OTUD7B: variants seen among roughly 807,000 people sequenced by gnomAD.
The protein encoded by OTUD7B is OTU domain-containing protein 7B.
Under a neutral mutation model 82.2 loss-of-function variants are expected in OTUD7B, and 34 were observed. That is an observed-to-expected ratio of 0.41 (90% confidence interval 0.31 to 0.55). OTUD7B has a LOEUF of 0.55. Ranked by LOEUF, OTUD7B falls within the 20% of genes least tolerant of loss-of-function variation. OTUD7B has a pLI of 0.20. For synonymous variants in OTUD7B, 398 were observed against 402.7 expected (o/e 0.99, Z 0.14); for missense variants, 944 against 1,062.1 (o/e 0.89, Z 1.55).
chr1:150,049,397 T>C, the OTUD7B span, among the ~76,000 whole-genome samples: 1 of 152,154 alleles, frequency 6.6e-6, no homozygotes, highest in African/African-American at 2.4e-5. Flanking sequence ...AGTCAGGATG[T>C]TGCTATATAC....
the OTUD7B span, among the ~76,000 whole-genome samples, chr1:150,039,175 G>C: frequency 6.6e-6 from 1 of 151,860 alleles, no homozygotes; most frequent in South Asian, 2.1e-4. Flanking sequence ...TTTAAAAACA[G>C]AAAAGAAAAA....
At chr1:149,991,266 T>C (rs2101900049) in intron 1 of OTUD7B, among the ~76,000 whole-genome samples, 1 of 152,250 alleles carries the variant, frequency 6.6e-6, no homozygotes, top group East Asian at 1.9e-4. Flanking sequence ...CAGGTTGGTG[T>C]TAAAAAGCAG....
chr1:150,051,870 A>C, the OTUD7B span, among the ~76,000 whole-genome samples: 1 of 152,232 alleles, frequency 6.6e-6, no homozygotes, highest in African/African-American at 2.4e-5. Context: ...TACAATATTA[A>C]ACAGTCTTTC....
chr1:149,972,841 T>C (rs1426613303), intron 2 of OTUD7B, among the ~76,000 whole-genome samples: 2 of 152,206 alleles, frequency 1.3e-5, no homozygotes, highest in Non-Finnish European at 2.9e-5. Flanking sequence ...CAAATCTCCT[T>C]AAAATCAGGT....
In OTUD7B at chr1:149,941,625, T is replaced by C. The variant is rs1016475120; in HGVS notation, c.*2232A>G. The C allele has an allele frequency of 6.6e-6, 1 of 152,222 alleles. No individual in the cohort carries two copies. The allele number at this position is 152,222 out of a possible 1,614,324, so 9.4% of individuals were successfully genotyped here. On this transcript the variant is annotated 3_prime_UTR_variant, in exon 12 of 12. Coordinates refer to ENST00000581312, the MANE Select transcript of OTUD7B (RefSeq NM_020205.4). Reference sequence around the variant, plus strand: ...AATCACAATTAATGTAAAAAGTCTATGATGGACAATGTATCAAAAATTTAA... The same window carrying C: ...AATCACAATTAATGTAAAAAGTCTACGATGGACAATGTATCAAAAATTTAA...
At chr1:150,037,249 C>CTTTTTTT in the OTUD7B span, among the ~76,000 whole-genome samples, 3 of 146,992 alleles carry the variant, frequency 2.0e-5, no homozygotes, top group African/African-American at 7.5e-5. Flanking sequence ...AAAATACCCT[C>CTTTTTTT]TTTTTTTTTT....
intron 7 of OTUD7B, among the ~76,000 whole-genome samples, chr1:149,952,425 A>C (rs192411343): frequency 1.3e-5 from 2 of 152,270 alleles, no homozygotes; most frequent in Admixed American, 6.5e-5. Context: ...TATATGTGCC[A>C]CATTTTCTTA....
chr1:150,054,998 C>T, the OTUD7B span: 3 of 283,136 alleles, frequency 1.1e-5, no homozygotes, highest in South Asian at 3.7e-5. Context: ...GTGTTTGCCC[C>T]GACAAATGGA....
chr1:150,019,299 C>T, the OTUD7B span, among the ~76,000 whole-genome samples: 2 of 152,174 alleles, frequency 1.3e-5, no homozygotes, highest in African/African-American at 4.8e-5. Context: ...TCACACCCTG[C>T]CTGAAACTAA....
the OTUD7B span, among the ~76,000 whole-genome samples, chr1:150,040,647 G>T: frequency 7.9e-5 from 12 of 151,356 alleles, no homozygotes; most frequent in African/African-American, 2.7e-4. Context: ...AAATGAATTT[G>T]TCTCTTCTTT....
At position 149,942,721 on chromosome 1, in the gene OTUD7B, C is replaced by T. The variant is rs1342669883; in HGVS notation, c.*1136G>A. ...TCAGCTATGGCTTAACAAAAGAAGC[C>T]GGGATGTTAAGTTCATTCTCCAAAA... On this transcript the variant is annotated 3_prime_UTR_variant, in exon 12 of 12. Coordinates refer to ENST00000581312, the MANE Select transcript of OTUD7B (RefSeq NM_020205.4). 2 of 152,188 alleles carry T rather than the reference C, an allele frequency of 1.3e-5. No individual in the cohort carries two copies. The highest frequency in any genetic ancestry group is 2.9e-5 in the Non-Finnish European group (2 of 67,996). The allele number at this position is 152,188 out of a possible 1,614,324, so 9.4% of individuals were successfully genotyped here. A position where few individuals can be genotyped will look rare whatever the true frequency, so the allele number is the denominator to read the frequency against.
chr1:150,011,391 T>C (rs1653053650), upstream of OTUD7B, among the ~76,000 whole-genome samples: 1 of 152,234 alleles, frequency 6.6e-6, no homozygotes, highest in Non-Finnish European at 1.5e-5. Context: ...CCCTGTGATG[T>C]GTATCACTGC....
At chr1:149,994,358 G>A (rs587647659) in intron 1 of OTUD7B, among the ~76,000 whole-genome samples, 6 of 152,070 alleles carry the variant, frequency 3.9e-5, no homozygotes, top group African/African-American at 1.2e-4. Context: ...TGAGGTGGGC[G>A]GATCACGAGG....
At chr1:150,003,527 C>A (rs148323046) in intron 1 of OTUD7B, among the ~76,000 whole-genome samples, 1 of 152,172 alleles carries the variant, frequency 6.6e-6, no homozygotes, top group Non-Finnish European at 1.5e-5. Flanking sequence ...CAAGGCAGAA[C>A]TGACCCTTGG....
the OTUD7B span, chr1:150,054,263 C>A: frequency 2.2e-6 from 1 of 464,528 alleles, no homozygotes; most frequent in South Asian, 1.7e-5. Context: ...ACCCTTCAGT[C>A]AGCACATGAG....
At chr1:149,983,690 A>G (rs1463319496) in intron 1 of OTUD7B, among the ~76,000 whole-genome samples, 67 of 152,120 alleles carry the variant, frequency 4.4e-4, no homozygotes, top group Admixed American at 4.2e-3. Flanking sequence ...ACCCTGTTAA[A>G]GATTTGAGAT....
At chr1:150,013,651 A>G (rs1203470425), upstream of OTUD7B, among the ~76,000 whole-genome samples, 3 of 151,998 alleles carry the variant, frequency 2.0e-5, no homozygotes. Context: ...GGCTGGGAGC[A>G]GTGGCTCACG....
intron 1 of OTUD7B, among the ~76,000 whole-genome samples, chr1:149,997,379 ATCTATG>A (rs1245320925): frequency 1.3e-5 from 2 of 152,176 alleles, no homozygotes; most frequent in Non-Finnish European, 2.9e-5. Flanking sequence ...AGGTAATAAG[ATCTATG>A]TCAGTAAATT....
intron 1 of OTUD7B, among the ~76,000 whole-genome samples, chr1:149,992,139 C>T (rs1232346618): frequency 6.6e-6 from 1 of 152,062 alleles, no homozygotes; most frequent in East Asian, 1.9e-4. Flanking sequence ...GCAGGAGAAC[C>T]ACTTGAACCC....
Sources: gnomAD v4.1 joint callset for allele counts (sites outside exome capture counted in the v4.1 genomes callset) on GRCh38, gnomAD v4.1.1 for gene constraint, MANE v1.5 for transcripts, NCBI Gene and HGNC (gene_info 2026-07-23, HGNC 2026-07-21) for gene names.